Variants in IQGAP1 observed in about 807,000 individuals in gnomAD.
IQGAP1 encodes IQ motif containing GTPase activating protein 1.
Under a neutral mutation model 215.6 loss-of-function variants are expected in IQGAP1, and 66 were observed. The ratio of observed to expected loss-of-function variants is 0.31; its 90% CI spans 0.25 to 0.38. The LOEUF (loss-of-function observed/expected upper bound fraction) is 0.38, where lower values mean the gene tolerates loss of function less well. Ranked by LOEUF, IQGAP1 falls within the 10% of genes least tolerant of loss-of-function variation. The probability of loss-of-function intolerance (pLI) is 1.00; values close to 1 mark genes in which losing one functional copy is unlikely to be tolerated. For missense variants in IQGAP1, 1,712 were observed against 1,997.1 expected (o/e 0.86, Z 2.72); for synonymous variants, 772 against 728.7 (o/e 1.06, Z -0.96).
Position 90,449,560 on chromosome 15 carries a change from G to T in IQGAP1, c.1079G>T (p.Ser360Ile), listed in dbSNP as rs779250934. 50 of 1,611,490 alleles carry T rather than the reference G, an allele frequency of 3.1e-5. No individual in the cohort carries two copies. In the South Asian group the frequency reaches 5.0e-4, roughly 16 times the overall value. ...CATAATTTTCTTTGCTTTGCTCAGAGTGGTCAGACTGACCCCCTGCAGAAG... is the reference window on the plus strand; with the variant it reads ...CATAATTTTCTTTGCTTTGCTCAGATTGGTCAGACTGACCCCCTGCAGAAG... ...LLSDKQQKRQ[S>I]GQTDPLQKEE... Residue 360 changes from serine (S) to isoleucine (I), a missense_variant and splice_region_variant, in exon 11 of 38, where the codon AGT becomes ATT. By Grantham distance (142) the Ser-to-Ile change is moderately radical. Around this residue, in one of 2 missense-constraint regions of IQGAP1, gnomAD observed 1,021 missense variants for 1,074.2 expected, o/e 0.95. Transcript: ENST00000268182.
intron 26 of IQGAP1, 50 bp from the exon 27 acceptor site, chr15:90,481,910 G>C: frequency 6.2e-7 from 1 of 1,600,722 alleles, no homozygotes; most frequent in Non-Finnish European, 8.5e-7. Context: ...GCTTCAGGCT[G>C]TTCCTGGCTG....
intron 8 of IQGAP1, 57 bp downstream of exon 8, chr15:90,441,741 T>C (rs1301519072): frequency 3.2e-6 from 4 of 1,236,132 alleles, no homozygotes; most frequent in South Asian, 1.4e-5. Flanking sequence ...TCATTTGATA[T>C]GGCTCCAGTT....
At chr15:90,414,668 C>T (rs150968059) in intron 2 of IQGAP1, among the ~76,000 whole-genome samples, 127 of 152,202 alleles carry the variant, frequency 8.3e-4, no homozygotes, top group Middle Eastern at 6.8e-3. Flanking sequence ...CTCTGAGGCA[C>T]AGTGCTTCAG....
chr15:90,492,457 T>G, intron 34 of IQGAP1, 88 bp from the exon 35 acceptor site: 2 of 940,176 alleles, frequency 2.1e-6, no homozygotes, highest in Non-Finnish European at 3.0e-6. Flanking sequence ...TAGTCATATT[T>G]AAGGCAGAGT....
chr15:90,495,598 T>TTATA (rs1036592553), intron 36 of IQGAP1, among the ~76,000 whole-genome samples: 22 of 150,778 alleles, frequency 1.5e-4, no homozygotes, highest in African/African-American at 5.1e-4. Context: ...TTTAACTACT[T>TTATA]TATATATAAA....
At chr15:90,426,304 A>G (rs753640579) in intron 3 of IQGAP1, 38 bp downstream of exon 3, 11 of 1,570,846 alleles carry the variant, frequency 7.0e-6, no homozygotes, top group Non-Finnish European at 9.4e-6. Flanking sequence ...ATTTCTGTCA[A>G]CTTGAGAAAG....
rs1016773161 is a variant in IQGAP1, at chr15:90,497,398, G to C, written c.4860+58G>C. 6 of 853,886 alleles carry C rather than the reference G, an allele frequency of 7.0e-6. No homozygotes were observed. In the East Asian group the frequency reaches 1.5e-4, roughly 21 times the overall value. The allele number at this position is 853,886 out of a possible 1,614,324, so 52.9% of individuals were successfully genotyped here. On this transcript the variant is annotated intron_variant, in intron 37 of 37. Coordinates refer to ENST00000268182, the MANE Select transcript of IQGAP1 (RefSeq NM_003870.4). ...CTGGATGAGATTCTTGTCCAAGTAG[G>C]AGAAATAGATAAAGAGGAGACTCAT...
Position 90,452,772 on chromosome 15 carries a change from C to G in IQGAP1, c.1163-3C>G. On this transcript the variant is annotated splice_polypyrimidine_tract_variant and splice_region_variant and intron_variant, in intron 11 of 37. Transcript: ENST00000268182. ...GCGTTTCTGACTCCTGTTTTTTACACAGGATTGGCAGCAGTAGCACTGATT... is the reference window on the plus strand; with the variant it reads ...GCGTTTCTGACTCCTGTTTTTTACAGAGGATTGGCAGCAGTAGCACTGATT... 6.2e-7 allele frequency: 1 copy of G among 1,613,182 alleles called. No homozygotes were observed. Among genetic ancestry groups the G allele is most frequent in the Non-Finnish European group, 8.5e-7 (1 of 1,179,478 alleles).
At chr15:90,432,087 C>T (rs1389328831) in intron 4 of IQGAP1, among the ~76,000 whole-genome samples, 1 of 152,158 alleles carries the variant, frequency 6.6e-6, no homozygotes, top group Non-Finnish European at 1.5e-5. Context: ...CATTTATTCT[C>T]AAGACTTGCT....
At chr15:90,421,650 C>CT (rs767733977) in intron 2 of IQGAP1, among the ~76,000 whole-genome samples, 17 of 152,154 alleles carry the variant, frequency 1.1e-4, no homozygotes, top group Non-Finnish European at 2.4e-4. Context: ...TCAGACCATA[C>CT]TTGGAACACA....
chr15:90,492,818 A>C, intron 35 of IQGAP1, 107 bp downstream of exon 35: 1 of 788,116 alleles, frequency 1.3e-6, no homozygotes, highest in Non-Finnish European at 2.0e-6. Flanking sequence ...CACTGGATCT[A>C]TTTATTGCAT....
chr15:90,410,872 C>G (rs992142270), intron 2 of IQGAP1, among the ~76,000 whole-genome samples: 3 of 150,936 alleles, frequency 2.0e-5, no homozygotes, highest in Non-Finnish European at 4.4e-5. Context: ...AAAACATTCC[C>G]AAGATCCCCT....
intron 2 of IQGAP1, among the ~76,000 whole-genome samples, chr15:90,402,009 C>G (rs994165615): frequency 3.9e-5 from 6 of 152,226 alleles, no homozygotes; most frequent in African/African-American, 1.4e-4. Context: ...CTCTTAACTT[C>G]TGCAGATGCT....
At chr15:90,485,845 G>A (rs1966118894) in intron 30 of IQGAP1, among the ~76,000 whole-genome samples, 185 bp from the exon 31 acceptor site, 2 of 152,178 alleles carry the variant, frequency 1.3e-5, no homozygotes, top group African/African-American at 4.8e-5. Flanking sequence ...ATTCAACAGA[G>A]CCTGGTGTGG....
intron 2 of IQGAP1, among the ~76,000 whole-genome samples, chr15:90,425,031 C>T (rs930942573): frequency 3.3e-5 from 5 of 151,370 alleles, no homozygotes; most frequent in African/African-American, 7.3e-5. Context: ...TGCCATGGTC[C>T]GGGTCCAGTG....
chr15:90,395,390 G>A (rs1329316482), intron 2 of IQGAP1, among the ~76,000 whole-genome samples: 1 of 151,430 alleles, frequency 6.6e-6, no homozygotes, highest in South Asian at 2.1e-4. Context: ...ACGCTATCTC[G>A]GCTCACTGCA....
intron 2 of IQGAP1, among the ~76,000 whole-genome samples, chr15:90,421,138 A>T (rs1287407647): frequency 1.3e-5 from 2 of 151,982 alleles, no homozygotes. Context: ...CTCCATCTCA[A>T]AGAAAAATTT....
chr15:90,474,467 A>C lies in IQGAP1; in HGVS notation c.2576-18A>C. On this transcript the variant is annotated intron_variant, in intron 22 of 37. Coordinates refer to ENST00000268182, the MANE Select transcript of IQGAP1 (RefSeq NM_003870.4). ...CTTTTTCTGCTAACTCCATTCTTTG[A>C]TGCATACTTTCTGTCAGTCAATGCT... 1 of 1,591,126 alleles carries C rather than the reference A, an allele frequency of 6.3e-7. No individual in the cohort carries two copies.
chr15:90,390,590 G>A (rs2151692515), intron 1 of IQGAP1, among the ~76,000 whole-genome samples, 184 bp from the exon 2 acceptor site: 2 of 152,260 alleles, frequency 1.3e-5, no homozygotes, highest in Middle Eastern at 6.8e-3. Flanking sequence ...AGGTCAAGAT[G>A]ATTATAGTTG....
Sources: gnomAD v4.1 joint callset for allele counts (sites outside exome capture counted in the v4.1 genomes callset) on GRCh38, gnomAD v4.1.1 for gene constraint, gnomAD v4.1.1 regional missense constraint, MANE v1.5 for transcripts, NCBI Gene and HGNC (gene_info 2026-07-23, HGNC 2026-07-21) for gene names.